SPIDR: variants seen among roughly 807,000 people sequenced by gnomAD.
SPIDR encodes the protein DNA repair-scaffolding protein.
A neutral mutation model predicts 104.6 loss-of-function variants in SPIDR; 93 were observed. The ratio of observed to expected loss-of-function variants is 0.89; its 90% CI spans 0.75 to 1.06. SPIDR has a LOEUF of 1.06. Among genes scored for constraint, SPIDR ranks in the 50% least tolerant of loss-of-function variants. SPIDR has a pLI of 0.00. For synonymous variants in SPIDR, 431 were observed against 416.9 expected (o/e 1.03, Z -0.41); for missense variants, 1,154 against 1,111.2 (o/e 1.04, Z -0.55).
intron 8 of SPIDR, among the ~76,000 whole-genome samples, chr8:47,499,540 A>G (rs1392533696): frequency 2.7e-5 from 4 of 145,884 alleles, no homozygotes; most frequent in Admixed American, 2.7e-4. Flanking sequence ...ATACGGCAGC[A>G]TTTCTTTTTT....
At position 47,733,999 on chromosome 8, in the gene SPIDR, G is replaced by A. The variant is rs1432543586; in HGVS notation, c.2605-1308G>A. On this transcript the variant is annotated intron_variant, in intron 19 of 19. Transcript: ENST00000297423. ...AATCAAAGTCCCCCCACGAGTTGGC[G>A]TCAGTAGCGTTCACATCCCAGACTG... is the stretch of plus-strand genomic sequence containing the variant. Among the ~76,000 whole-genome samples the A allele has an allele frequency of 2.6e-5, 4 of 152,150 alleles. No individual in the cohort carries two copies. In the South Asian group the frequency reaches 6.2e-4, roughly 24 times the overall value.
chr8:47,735,841 A>G lies in SPIDR; in HGVS notation c.*391A>G. 1 of 363,782 alleles carries G rather than the reference A, an allele frequency of 2.7e-6. No homozygotes were observed. The highest frequency in any genetic ancestry group is 2.6e-5 in the South Asian group (1 of 37,970). 22.5% of individuals were successfully genotyped at this position (363,782 alleles called of 1,614,324 possible). A position where few individuals can be genotyped will look rare whatever the true frequency, so the allele number is the denominator to read the frequency against. ...ACAGTATTTAACATTCCCCCAAAGA[A>G]TACCCTGCAAAGTGTAAACCTTTGT... On this transcript the variant is annotated 3_prime_UTR_variant, in exon 20 of 20. Coordinates refer to ENST00000297423, the MANE Select transcript of SPIDR (RefSeq NM_001080394.4).
intron 8 of SPIDR, among the ~76,000 whole-genome samples, chr8:47,503,269 T>C (rs1008244966): frequency 1.3e-5 from 2 of 152,144 alleles, no homozygotes; most frequent in African/African-American, 4.8e-5. Context: ...TGTGTGGGAG[T>C]CTAAGTCTCT....
At chr8:47,307,653 C>T (rs587708226) in intron 5 of SPIDR, among the ~76,000 whole-genome samples, 5 of 150,932 alleles carry the variant, frequency 3.3e-5, no homozygotes, top group Admixed American at 3.3e-4. Flanking sequence ...ATTCTCATGC[C>T]TCAGCCTCCC....
At chr8:47,427,448 C>T (rs1394803442) in intron 7 of SPIDR, among the ~76,000 whole-genome samples, 4 of 152,018 alleles carry the variant, frequency 2.6e-5, no homozygotes, top group Non-Finnish European at 5.9e-5. Context: ...AAAATTAATA[C>T]TTCTATGTCA....
intron 5 of SPIDR, among the ~76,000 whole-genome samples, chr8:47,366,521 A>G (rs563716407): frequency 1.3e-5 from 2 of 152,324 alleles, no homozygotes; most frequent in South Asian, 4.1e-4. Flanking sequence ...TCTAGGTACG[A>G]AGTGTGTTTC....
At chr8:47,442,316 A>T (rs2069598790) in intron 8 of SPIDR, among the ~76,000 whole-genome samples, 1 of 152,196 alleles carries the variant, frequency 6.6e-6, no homozygotes, top group Non-Finnish European at 1.5e-5. Flanking sequence ...ATTCTTAAAT[A>T]TTCAATTATG....
intron 10 of SPIDR, among the ~76,000 whole-genome samples, chr8:47,635,019 G>A (rs1173904765): frequency 6.6e-6 from 1 of 152,176 alleles, no homozygotes; most frequent in Non-Finnish European, 1.5e-5. Context: ...AAAGTTTGCT[G>A]TGTTGTCAGT....
chr8:47,609,711 A>G (rs1335771903), intron 10 of SPIDR, among the ~76,000 whole-genome samples: 1 of 152,170 alleles, frequency 6.6e-6, no homozygotes, highest in Non-Finnish European at 1.5e-5. Flanking sequence ...GGTGTAAATA[A>G]TATGAAAGTA....
chr8:47,482,936 C>A (rs1245354860), intron 8 of SPIDR, among the ~76,000 whole-genome samples: 1 of 152,072 alleles, frequency 6.6e-6, no homozygotes, highest in Non-Finnish European at 1.5e-5. Flanking sequence ...TGTTTCTACT[C>A]CTTTCCTTAC....
intron 7 of SPIDR, among the ~76,000 whole-genome samples, chr8:47,420,004 T>C (rs1422060409): frequency 6.6e-6 from 1 of 152,200 alleles, no homozygotes; most frequent in Non-Finnish European, 1.5e-5. Context: ...TTCTGTTCTT[T>C]TACATTTCCT....
At chr8:47,366,333 T>G (rs1292348597) in intron 5 of SPIDR, among the ~76,000 whole-genome samples, 1 of 151,926 alleles carries the variant, frequency 6.6e-6, no homozygotes, top group Non-Finnish European at 1.5e-5. Flanking sequence ...GATGAGGAGC[T>G]TGGATAGCTG....
At chr8:47,349,265 G>C (rs1385702570) in intron 5 of SPIDR, among the ~76,000 whole-genome samples, 1 of 152,222 alleles carries the variant, frequency 6.6e-6, no homozygotes, top group Non-Finnish European at 1.5e-5. Flanking sequence ...TTTGCCTGGG[G>C]ATCACCAGTG....
chr8:47,347,513 T>C (rs569316668), intron 5 of SPIDR, among the ~76,000 whole-genome samples: 1 of 152,314 alleles, frequency 6.6e-6, no homozygotes, highest in African/African-American at 2.4e-5. Flanking sequence ...GTTAACTTTC[T>C]GTCTCGTTGA....
intron 5 of SPIDR, among the ~76,000 whole-genome samples, chr8:47,395,407 T>C (rs2061142211): frequency 6.6e-6 from 1 of 152,146 alleles, no homozygotes; most frequent in African/African-American, 2.4e-5. Flanking sequence ...GCCTTTTGTT[T>C]TATGTAGATT....
chr8:47,414,433 T>C (rs1312715689), intron 7 of SPIDR, among the ~76,000 whole-genome samples: 11 of 152,218 alleles, frequency 7.2e-5, no homozygotes, highest in Admixed American at 2.6e-4. Context: ...TCTTAAATTT[T>C]GTTCTAGATA....
chr8:47,531,194 T>A (rs4873437), intron 8 of SPIDR, among the ~76,000 whole-genome samples: 68,252 of 152,084 alleles, frequency 0.45, 18,868 homozygotes, highest in East Asian at 0.66. Context: ...ACCCAACCTT[T>A]TTTAAAAACT....
chr8:47,425,361 T>G (rs2154336902), intron 7 of SPIDR, among the ~76,000 whole-genome samples: 1 of 152,236 alleles, frequency 6.6e-6, no homozygotes, highest in Middle Eastern at 3.4e-3. Context: ...CACTGCACCC[T>G]TAGACCTTCT....
In SPIDR at chr8:47,319,171, C is replaced by A. The variant is rs904071428; in HGVS notation, c.525+25141C>A. Among the ~76,000 whole-genome samples, 27 of 152,118 alleles carry A rather than the reference C, an allele frequency of 1.8e-4. 1 individual carries two copies. The highest frequency in any genetic ancestry group is 1.7e-3 in the Admixed American group (26 of 15,272). On this transcript the variant is annotated intron_variant, in intron 5 of 19. Transcript: ENST00000297423. ...TGGCAAATTGGATAAAGAGTCAAGA[C>A]CCATCAGTGTGCGGTATTCAGGAAA...
Sources: allele counts gnomAD v4.1 joint callset (sites outside exome capture counted in the v4.1 genomes callset), GRCh38; gene constraint gnomAD v4.1.1; transcripts MANE v1.5; gene names NCBI Gene and HGNC (gene_info 2026-07-23, HGNC 2026-07-21).